Variants in NCALD observed in about 807,000 individuals in gnomAD.
The protein encoded by NCALD is neurocalcin delta.
A neutral mutation model predicts 18.6 loss-of-function variants in NCALD; 10 were observed. The ratio of observed to expected loss-of-function variants is 0.54; its 90% CI spans 0.33 to 0.91. The LOEUF (loss-of-function observed/expected upper bound fraction) is 0.91, where lower values mean the gene tolerates loss of function less well. NCALD is among the 40% of genes least tolerant of loss of function. The pLI, the probability that NCALD is intolerant of heterozygous loss-of-function variation, is 0.03. For synonymous variants in NCALD, 88 were observed against 87.4 expected (o/e 1.01, Z -0.04); for missense variants, 184 against 247.6 (o/e 0.74, Z 1.72).
chr8:101,860,937 T>C (rs479041), intron 4 of NCALD, among the ~76,000 whole-genome samples: 40,317 of 152,024 alleles, frequency 0.27, 5,764 homozygotes, highest in East Asian at 0.38. Context: ...GTAAGCTGGT[T>C]GTAAAATACA....
At chr8:101,952,504 T>G (rs1351406877) in intron 2 of NCALD, among the ~76,000 whole-genome samples, 1 of 152,090 alleles carries the variant, frequency 6.6e-6, no homozygotes, top group Non-Finnish European at 1.5e-5. Flanking sequence ...ACCAGACACA[T>G]CTCAGCCCTC....
intron 1 of NCALD, among the ~76,000 whole-genome samples, chr8:102,048,090 A>G (rs917685290): frequency 6.6e-6 from 1 of 152,230 alleles, no homozygotes; most frequent in Non-Finnish European, 1.5e-5. Context: ...CTTTCCATCT[A>G]AGGCAAAACA....
At chr8:101,910,413 T>C (rs1817754453) in intron 3 of NCALD, among the ~76,000 whole-genome samples, 1 of 138,898 alleles carries the variant, frequency 7.2e-6, no homozygotes, top group Non-Finnish European at 1.5e-5. Context: ...GGAGGTAATT[T>C]TGGGGACACA....
intron 2 of NCALD, among the ~76,000 whole-genome samples, chr8:101,939,553 T>C (rs1818881649): frequency 6.6e-6 from 1 of 152,218 alleles, no homozygotes; most frequent in Non-Finnish European, 1.5e-5. Flanking sequence ...CTTTTCTTCT[T>C]ATCTCCATTC....
intron 3 of NCALD, among the ~76,000 whole-genome samples, chr8:101,914,337 C>T (rs917965765): frequency 3.9e-5 from 6 of 151,996 alleles, no homozygotes; most frequent in African/African-American, 1.4e-4. Flanking sequence ...GGCAAAGTGC[C>T]CTTCTCATCA....
chr8:101,813,094 C>T (rs990461809), intron 4 of NCALD, among the ~76,000 whole-genome samples: 1 of 152,074 alleles, frequency 6.6e-6, no homozygotes, highest in Non-Finnish European at 1.5e-5. Flanking sequence ...AAGAAAGACA[C>T]AGACCTTGGC....
At chr8:101,717,125 C>T (rs1816123490) in intron 2 of NCALD, among the ~76,000 whole-genome samples, 1 of 152,170 alleles carries the variant, frequency 6.6e-6, no homozygotes, top group Admixed American at 6.5e-5. Flanking sequence ...CAGAGGGGAA[C>T]TAATTTGGTA....
intron 4 of NCALD, among the ~76,000 whole-genome samples, chr8:101,814,362 C>T (rs534056397): frequency 5.9e-5 from 9 of 152,034 alleles, no homozygotes; most frequent in South Asian, 2.1e-4. Context: ...TGTAATTAAT[C>T]GCATCAACAG....
At chr8:102,035,150 C>A (rs539503709) in intron 1 of NCALD, among the ~76,000 whole-genome samples, 24 of 152,196 alleles carry the variant, frequency 1.6e-4, no homozygotes, top group Middle Eastern at 3.4e-3. Flanking sequence ...AGTGCATGGG[C>A]CCCACCTTTT....
intron 4 of NCALD, among the ~76,000 whole-genome samples, chr8:101,824,793 T>C (rs1033965709): frequency 1.3e-5 from 2 of 152,256 alleles, no homozygotes; most frequent in Admixed American, 6.5e-5. Flanking sequence ...TCCAGATCTG[T>C]CTGATGTGAA....
At chr8:101,946,065 T>C (rs1198413154) in intron 2 of NCALD, among the ~76,000 whole-genome samples, 2 of 152,120 alleles carry the variant, frequency 1.3e-5, no homozygotes, top group Non-Finnish European at 2.9e-5. Flanking sequence ...TGGAGGAAAA[T>C]CTGCCTTTTA....
At chr8:102,030,878 A>T (rs1479618889) in intron 1 of NCALD, among the ~76,000 whole-genome samples, 2 of 149,422 alleles carry the variant, frequency 1.3e-5, no homozygotes, top group African/African-American at 5.0e-5. Flanking sequence ...TCCATCACAA[A>T]AAATAAATAA....
At chr8:102,113,055 A>G (rs1204096145) in intron 1 of NCALD, among the ~76,000 whole-genome samples, 1 of 152,232 alleles carries the variant, frequency 6.6e-6, no homozygotes, top group Non-Finnish European at 1.5e-5. Context: ...CCAAGACAGA[A>G]GCTATGAATG....
At chr8:101,820,779 C>T (rs1813688896) in intron 4 of NCALD, among the ~76,000 whole-genome samples, 1 of 152,186 alleles carries the variant, frequency 6.6e-6, no homozygotes, top group Non-Finnish European at 1.5e-5. Context: ...TATGCTGTCC[C>T]TTGACCCTTA....
intron 1 of NCALD, among the ~76,000 whole-genome samples, chr8:101,785,640 G>C (rs1297010730): frequency 1.3e-5 from 2 of 152,092 alleles, no homozygotes; most frequent in Non-Finnish European, 2.9e-5. Flanking sequence ...GTCCTGACTG[G>C]GTTAGTACAG....
intron 4 of NCALD, among the ~76,000 whole-genome samples, chr8:101,804,675 T>C (rs1367495443): frequency 3.3e-5 from 3 of 89,946 alleles, no homozygotes; most frequent in Non-Finnish European, 4.6e-5. Flanking sequence ...TCATATAATA[T>C]AATTAATAAA....
intron 1 of NCALD, among the ~76,000 whole-genome samples, chr8:102,081,576 A>AC (rs55666233): frequency 1.6e-4 from 10 of 63,438 alleles, no homozygotes; most frequent in African/African-American, 6.4e-4. Context: ...AAAAAAAAAA[A>AC]CCCCAAAAAA....
At chr8:102,005,883 TG>T (rs769258109) in intron 2 of NCALD, among the ~76,000 whole-genome samples, 16 of 13,410 alleles carry the variant, frequency 1.2e-3, no homozygotes, top group Non-Finnish European at 1.9e-3. Context: ...TGTTGTGGGG[TG>T]GGGGGGCAGG....
chr8:101,735,273 C>T (rs1817025351), intron 1 of NCALD, among the ~76,000 whole-genome samples: 1 of 152,164 alleles, frequency 6.6e-6, no homozygotes, highest in Non-Finnish European at 1.5e-5. Context: ...AAGTTATAAG[C>T]AACCAGTCCT....
Sources: gnomAD v4.1 joint callset for allele counts (sites outside exome capture counted in the v4.1 genomes callset) on GRCh38, gnomAD v4.1.1 for gene constraint, MANE v1.5 for transcripts, NCBI Gene and HGNC (gene_info 2026-07-23, HGNC 2026-07-21) for gene names.